The following CFAP47 variants were observed in gnomAD, a reference collection of about 807,000 sequenced individuals.
CFAP47 encodes cilia- and flagella-associated protein 47.
In CFAP47, 29 loss-of-function variants were observed where a neutral mutation model predicts 148.1. That is an observed-to-expected ratio of 0.20 (90% confidence interval 0.15 to 0.27). The LOEUF is 0.27. Ranked by LOEUF, CFAP47 falls within the 10% of genes least tolerant of loss-of-function variation. CFAP47 has a pLI of 1.00. For synonymous variants in CFAP47, 664 were observed against 577.3 expected, an observed-to-expected ratio of 1.15 and a Z score of -2.15; for missense variants, 1,872 against 1,697.5, an observed-to-expected ratio of 1.10 and a Z score of -1.81.
chrX:35,926,865 C>T (rs1199098403), intron 2 of CFAP47, among the ~76,000 whole-genome samples: 2 of 110,773 alleles, frequency 1.8e-5, no homozygotes, highest in African/African-American at 6.6e-5. Flanking sequence ...AGGCTGGGTG[C>T]AGTGGCTCAT....
chrX:35,965,127 G>C (rs1936384429), intron 8 of CFAP47, among the ~76,000 whole-genome samples: 1 of 110,960 alleles, frequency 9.0e-6, no homozygotes, highest in African/African-American at 3.3e-5. Flanking sequence ...TTGCTTTTTT[G>C]TTGTTGTTTT....
chrX:36,023,140 G>T (rs1937178408), intron 22 of CFAP47, among the ~76,000 whole-genome samples: 1 of 112,099 alleles, frequency 8.9e-6, no homozygotes. Flanking sequence ...AAAGGACTTG[G>T]GTTTTGTGAT....
At chrX:36,177,647 T>G (rs1296497828) in intron 39 of CFAP47, among the ~76,000 whole-genome samples, 1 of 112,135 alleles carries the variant, frequency 8.9e-6, no homozygotes, top group African/African-American at 3.2e-5. Context: ...GTTTAAAAAT[T>G]TTTAGTATTT....
At chrX:36,188,256 T>C (rs1939828150) in intron 40 of CFAP47, among the ~76,000 whole-genome samples, 1 of 111,833 alleles carries the variant, frequency 8.9e-6, no homozygotes, top group Non-Finnish European at 1.9e-5. Context: ...TTGGAAAAAG[T>C]ACCTATTTAG....
At chrX:35,977,268 C>G (rs2146671451) in intron 15 of CFAP47, among the ~76,000 whole-genome samples, 1 of 111,708 alleles carries the variant, frequency 9.0e-6, no homozygotes, top group East Asian at 2.8e-4. Context: ...TTAACTTAAG[C>G]AAAGTACTCT....
At chrX:36,371,630 G>GTA (rs1156526879) in intron 62 of CFAP47, among the ~76,000 whole-genome samples, 2 of 87,658 alleles carry the variant, frequency 2.3e-5, no homozygotes, top group Non-Finnish European at 4.5e-5. Flanking sequence ...TAATATATGT[G>GTA]TATATACACA....
intron 45 of CFAP47, among the ~76,000 whole-genome samples, chrX:36,209,168 A>T (rs1028590479): frequency 8.9e-6 from 1 of 111,810 alleles, no homozygotes; most frequent in Non-Finnish European, 1.9e-5. Flanking sequence ...AATCTATTAT[A>T]CTTTATTGTT....
At chrX:36,300,758 G>A (rs989654420) in intron 52 of CFAP47, among the ~76,000 whole-genome samples, 9 of 111,780 alleles carry the variant, frequency 8.1e-5, no homozygotes, top group Non-Finnish European at 1.7e-4. Flanking sequence ...TAAAAAGCAG[G>A]GCTTTTACTG....
At chrX:36,382,929 GA>G (rs1453478073) in intron 63 of CFAP47, among the ~76,000 whole-genome samples, 3 of 111,414 alleles carry the variant, frequency 2.7e-5, no homozygotes, top group African/African-American at 9.8e-5. Flanking sequence ...ATTGGGGATA[GA>G]AGATATAAAG....
At chrX:36,337,856 C>CTTTT (rs1196038760) in intron 57 of CFAP47, among the ~76,000 whole-genome samples, 24 of 58,303 alleles carry the variant, frequency 4.1e-4, no homozygotes, top group Non-Finnish European at 5.6e-4. Flanking sequence ...TTCCATAATC[C>CTTTT]TTTTTTTTTT....
At chrX:36,178,574 A>G (rs1026165744) in intron 39 of CFAP47, among the ~76,000 whole-genome samples, 5 of 111,302 alleles carry the variant, frequency 4.5e-5, no homozygotes, top group Admixed American at 3.8e-4. Context: ...TAACTGTTAC[A>G]TAATAAAAGG....
chrX:36,346,227 G>T (rs782037178), intron 57 of CFAP47, among the ~76,000 whole-genome samples: 45 of 108,873 alleles, frequency 4.1e-4, no homozygotes, highest in African/African-American at 8.7e-4. Context: ...GTGTGTGTGT[G>T]TTTTTTTTTA....
intron 49 of CFAP47, among the ~76,000 whole-genome samples, chrX:36,267,689 A>G (rs1366058634): frequency 3.6e-5 from 4 of 111,067 alleles, no homozygotes. Context: ...CGTGTTAGCC[A>G]GGATGGTTTT....
chrX:36,085,249 G>GTT, intron 29 of CFAP47, 65 bp from the exon 30 acceptor site: 3 of 666,169 alleles, frequency 4.5e-6, no homozygotes, highest in Non-Finnish European at 7.0e-6. Flanking sequence ...AATTGAACAT[G>GTT]TTTTTTTTTC....
intron 33 of CFAP47, among the ~76,000 whole-genome samples, chrX:36,131,984 G>A (rs1310713350): frequency 9.0e-6 from 1 of 110,692 alleles, no homozygotes; most frequent in Non-Finnish European, 1.9e-5. Flanking sequence ...TTGAACAATT[G>A]AATTGCATGA....
chrX:36,297,680 G>A (rs782186007), intron 51 of CFAP47, among the ~76,000 whole-genome samples: 3 of 111,435 alleles, frequency 2.7e-5, no homozygotes, highest in Non-Finnish European at 5.6e-5. Context: ...AATGTACCTT[G>A]GGGGAAGGAC....
intron 51 of CFAP47, among the ~76,000 whole-genome samples, chrX:36,286,415 A>T (rs1941133555): frequency 9.6e-6 from 1 of 104,691 alleles, no homozygotes; most frequent in African/African-American, 3.4e-5. Flanking sequence ...TTTGGTTCCA[A>T]TAAATAGAAA....
chrX:36,212,045 T>C (rs1940108429), intron 45 of CFAP47, among the ~76,000 whole-genome samples: 1 of 111,801 alleles, frequency 8.9e-6, no homozygotes, highest in African/African-American at 3.3e-5. Context: ...ATAGGGATGG[T>C]AGTTTTTTCT....
chrX:35,982,910 C>A (rs1411210574), intron 15 of CFAP47, among the ~76,000 whole-genome samples: 1 of 111,389 alleles, frequency 9.0e-6, no homozygotes, highest in Non-Finnish European at 1.9e-5. Flanking sequence ...CAAGTTTGTT[C>A]TTTTTGGTTA....
Sources: gnomAD v4.1 joint callset for allele counts (sites outside exome capture counted in the v4.1 genomes callset) on GRCh38, gnomAD v4.1.1 for gene constraint, MANE v1.5 for transcripts, NCBI Gene and HGNC (gene_info 2026-07-23, HGNC 2026-07-21) for gene names.